The following CALN1 variants were observed in gnomAD, a reference collection of about 807,000 sequenced individuals.
The protein encoded by CALN1 is calcium-binding protein 8.
A neutral mutation model predicts 30.6 loss-of-function variants in CALN1; 17 were observed. The ratio of observed to expected loss-of-function variants is 0.56; its 90% confidence interval spans 0.38 to 0.83. The LOEUF is 0.83. CALN1 is among the 40% of genes least tolerant of loss of function. The pLI is 0.00. For missense variants in CALN1, 291 were observed against 354.9 expected (o/e 0.82, Z 1.45); for synonymous variants, 156 against 131.4 (o/e 1.19, Z -1.28).
At chr7:72,298,882 G>T (rs535926994) in intron 2 of CALN1, among the ~76,000 whole-genome samples, 1 of 151,860 alleles carries the variant, frequency 6.6e-6, no homozygotes, top group Admixed American at 6.6e-5. Flanking sequence ...TCCACGTCAA[G>T]TCGTGACTTG....
chr7:72,148,604 T>C lies in CALN1; in HGVS notation c.245-42310A>G, dbSNP rs550213846. On this transcript the variant is annotated intron_variant, in intron 3 of 6. Transcript: ENST00000395275. ...CTGGGTGACAATGTGAGGACCTGTCTCAAAGAAAAGAAAAAAGAGGCTGGG... is the reference window on the plus strand; with the variant it reads ...CTGGGTGACAATGTGAGGACCTGTCCCAAAGAAAAGAAAAAAGAGGCTGGG... 8.0e-5 allele frequency among the ~76,000 whole-genome samples: 12 copies of C among 149,486 alleles called. No homozygotes were observed. In the South Asian group the frequency reaches 2.6e-3, roughly 32 times the overall value.
chr7:71,785,959 A>T lies in CALN1; in HGVS notation c.*1816T>A, dbSNP rs902375147. On this transcript the variant is annotated 3_prime_UTR_variant, in exon 7 of 7. Transcript: ENST00000395275. ...ATCCCCCAGGCTCTTGGGAGCTTAC[A>T]TCTGCTCCCTCCTCCATATTATGGC... 1 of 152,694 alleles carries T rather than the reference A, an allele frequency of 6.5e-6. No homozygotes were observed. The highest frequency in any genetic ancestry group is 2.4e-5 in the African/African-American group (1 of 41,452). The allele number at this position is 152,694 out of a possible 1,614,324, so 9.5% of individuals were successfully genotyped here.
At chr7:71,877,833 A>T (rs1322492309) in intron 5 of CALN1, among the ~76,000 whole-genome samples, 2 of 152,226 alleles carry the variant, frequency 1.3e-5, no homozygotes, top group Non-Finnish European at 2.9e-5. Flanking sequence ...TAGGCGAGAA[A>T]GTCCGAAATA....
intron 2 of CALN1, among the ~76,000 whole-genome samples, chr7:72,338,072 T>C (rs989472596): frequency 2.0e-5 from 3 of 152,166 alleles, no homozygotes; most frequent in Admixed American, 1.3e-4. Flanking sequence ...AACCAAGGTT[T>C]GTCTTGGCAA....
chr7:71,792,251 G>A (rs1005382244), intron 6 of CALN1, among the ~76,000 whole-genome samples: 2 of 152,130 alleles, frequency 1.3e-5, no homozygotes, highest in Admixed American at 1.3e-4. Flanking sequence ...CTATAGGTCA[G>A]CCTGGGATAA....
chr7:72,384,184 A>G (rs1805072227), intron 2 of CALN1, among the ~76,000 whole-genome samples: 1 of 152,198 alleles, frequency 6.6e-6, no homozygotes, highest in Non-Finnish European at 1.5e-5. Context: ...CTTTAATAAA[A>G]TAGTTTTTTT....
chr7:72,404,526 C>T (rs1806570127), intron 1 of CALN1, among the ~76,000 whole-genome samples: 1 of 152,214 alleles, frequency 6.6e-6, no homozygotes, highest in South Asian at 2.1e-4. Flanking sequence ...GATCAGGGCC[C>T]CATCTGAGAG....
intron 4 of CALN1, among the ~76,000 whole-genome samples, chr7:72,042,060 G>A (rs1237221751): frequency 6.6e-6 from 1 of 152,180 alleles, no homozygotes; most frequent in Non-Finnish European, 1.5e-5. Flanking sequence ...CCATGTTCTT[G>A]TCCTGACAGC....
intron 3 of CALN1, among the ~76,000 whole-genome samples, chr7:72,201,725 C>A (rs560695259): frequency 1.4e-5 from 2 of 147,436 alleles, no homozygotes; most frequent in East Asian, 4.0e-4. Flanking sequence ...CATGTACAAC[C>A]TTGAATCTGA....
chr7:71,969,093 T>G lies in CALN1; in HGVS notation c.501+54564A>C, dbSNP rs904009842. 1.3e-5 allele frequency among the ~76,000 whole-genome samples: 2 copies of G among 152,086 alleles called. 1 individual carries two copies. The highest frequency in any genetic ancestry group is 4.8e-5 in the African/African-American group (2 of 41,500). On this transcript the variant is annotated intron_variant, in intron 5 of 6. Coordinates refer to ENST00000395275, the MANE Select transcript of CALN1 (RefSeq NM_031468.4). ...AGAACTGCACACCTAAAGGATGAAT[T>G]TTGGAAATTATATCTCCAAATACTT... is the stretch of plus-strand genomic sequence containing the variant.
intron 3 of CALN1, among the ~76,000 whole-genome samples, chr7:72,263,867 T>C (rs1796437728): frequency 1.3e-5 from 2 of 152,204 alleles, no homozygotes; most frequent in Admixed American, 1.3e-4. Context: ...GCCTCAAGGA[T>C]GAAACAAATT....
chr7:72,389,133 G>A (rs1805415517), intron 2 of CALN1, among the ~76,000 whole-genome samples: 1 of 152,144 alleles, frequency 6.6e-6, no homozygotes, highest in South Asian at 2.1e-4. Context: ...CTGAGCAGGT[G>A]CTCTGTCCGG....
intron 4 of CALN1, among the ~76,000 whole-genome samples, chr7:72,044,675 A>C (rs1428830352): frequency 7.0e-6 from 1 of 143,786 alleles, no homozygotes; most frequent in Non-Finnish European, 1.5e-5. Flanking sequence ...GCAGTGATAC[A>C]ATCACAGCTC....
chr7:72,252,777 T>C (rs1164772551), intron 3 of CALN1, among the ~76,000 whole-genome samples: 1 of 152,050 alleles, frequency 6.6e-6, no homozygotes, highest in Non-Finnish European at 1.5e-5. Flanking sequence ...TCCTGCTTAT[T>C]TTATTTTCTG....
intron 3 of CALN1, among the ~76,000 whole-genome samples, chr7:72,118,889 G>T: frequency 6.6e-6 from 1 of 152,172 alleles, no homozygotes; most frequent in East Asian, 1.9e-4. Flanking sequence ...CAAGTCCAGA[G>T]GATCAACAAG....
At chr7:72,157,145 C>A (rs1787747465) in intron 3 of CALN1, among the ~76,000 whole-genome samples, 1 of 152,214 alleles carries the variant, frequency 6.6e-6, no homozygotes, top group African/African-American at 2.4e-5. Context: ...TGATCGATGA[C>A]ATGGGAACTA....
chr7:72,019,779 A>C (rs1458379440), intron 5 of CALN1, among the ~76,000 whole-genome samples: 1 of 152,172 alleles, frequency 6.6e-6, no homozygotes, highest in African/African-American at 2.4e-5. Context: ...CCAGCTTTCA[A>C]ATTCCCAACC....
chr7:71,792,655 A>T (rs28483949), intron 6 of CALN1, among the ~76,000 whole-genome samples: 2,256 of 152,266 alleles, frequency 0.015, 59 homozygotes, highest in African/African-American at 0.052. Flanking sequence ...GGAAAGGGCC[A>T]AAGAAGAAAA....
the CALN1 span, among the ~76,000 whole-genome samples, chr7:72,454,835 C>CTT: frequency 5.6e-5 from 8 of 143,828 alleles, no homozygotes; most frequent in African/African-American, 7.6e-5. Context: ...TCTCTGGTCT[C>CTT]TTTTTTTTTT....
Sources: gnomAD v4.1 joint callset for allele counts (sites outside exome capture counted in the v4.1 genomes callset) on GRCh38, gnomAD v4.1.1 for gene constraint, MANE v1.5 for transcripts, NCBI Gene and HGNC (gene_info 2026-07-23, HGNC 2026-07-21) for gene names.